The following OTUD7A variants were observed in gnomAD, a reference collection of about 807,000 sequenced individuals.
The protein encoded by OTUD7A is OTU deubiquitinase 7A.
OTUD7A carries 12 observed loss-of-function variants against 65.7 expected under a neutral mutation model. That is an observed-to-expected ratio of 0.18 (90% CI 0.12 to 0.30). The LOEUF (loss-of-function observed/expected upper bound fraction) is 0.30, where lower values mean the gene tolerates loss of function less well. OTUD7A is among the 10% of genes least tolerant of loss of function. OTUD7A has a pLI of 1.00. For synonymous variants in OTUD7A, 641 were observed against 586.3 expected, an observed-to-expected ratio of 1.09 and a Z score of -1.35; for missense variants, 1,148 against 1,304.8, an observed-to-expected ratio of 0.88 and a Z score of 1.85.
At chr15:31,571,751 G>A (rs560415607) in intron 3 of OTUD7A, among the ~76,000 whole-genome samples, 1 of 152,316 alleles carries the variant, frequency 6.6e-6, no homozygotes, top group East Asian at 1.9e-4. Context: ...AAGCCAGCTA[G>A]TAAGCAACGG....
At chr15:31,638,840 A>G (rs1270243899) in intron 3 of OTUD7A, among the ~76,000 whole-genome samples, 1 of 152,144 alleles carries the variant, frequency 6.6e-6, no homozygotes, top group Non-Finnish European at 1.5e-5. Context: ...TACCACTCTC[A>G]AAAGATTCCT....
chr15:31,617,900 G>A (rs998589701), intron 3 of OTUD7A, among the ~76,000 whole-genome samples: 3 of 151,852 alleles, frequency 2.0e-5, no homozygotes, highest in African/African-American at 7.3e-5. Context: ...TTCACATTAC[G>A]CATATCTCCT....
At chr15:31,559,790 TACATACATGC>T (rs1888630616) in intron 4 of OTUD7A, among the ~76,000 whole-genome samples, 3 of 152,092 alleles carry the variant, frequency 2.0e-5, no homozygotes, top group Admixed American at 2.0e-4. Context: ...CACATACATG[TACATACATGC>T]ACAGACTATA....
intron 4 of OTUD7A, among the ~76,000 whole-genome samples, chr15:31,563,248 G>C (rs1888752543): frequency 6.6e-6 from 1 of 152,150 alleles, no homozygotes; most frequent in Non-Finnish European, 1.5e-5. Context: ...ACTGCCATGT[G>C]GCCATCTGTC....
chr15:31,739,004 T>A (rs1356135980), intron 1 of OTUD7A, among the ~76,000 whole-genome samples: 2 of 151,612 alleles, frequency 1.3e-5, no homozygotes, highest in African/African-American at 4.8e-5. Flanking sequence ...GAAGGGGCTG[T>A]CCACTCGCTG....
chr15:31,668,254 GA>G (rs1285303137), intron 1 of OTUD7A, among the ~76,000 whole-genome samples: 1 of 152,146 alleles, frequency 6.6e-6, no homozygotes, highest in East Asian at 1.9e-4. Context: ...CAAGCTTTTA[GA>G]AATCTCTTAT....
chr15:31,807,610 AT>A (rs557724989), intron 1 of OTUD7A, among the ~76,000 whole-genome samples: 1 of 152,062 alleles, frequency 6.6e-6, no homozygotes, highest in Non-Finnish European at 1.5e-5. Context: ...CCTGTCGTGG[AT>A]TTGGTGGGTT....
chr15:31,726,054 GTT>G (rs55709390), intron 1 of OTUD7A, among the ~76,000 whole-genome samples: 102,301 of 146,930 alleles, frequency 0.7, 35,364 homozygotes, highest in South Asian at 0.79. Flanking sequence ...GCCAGACAGA[GTT>G]TTTTTTTTTT....
rs1432750853 is a variant in OTUD7A at position 31,619,255 on chromosome 15, C to T, written c.151+35841G>A. ...TTGGCTTAGGATTGACTTGGCAATG[C>T]GGGCTCTTTTTTGGTTCCATATCAA... On this transcript the variant is annotated intron_variant, in intron 3 of 12. Transcript: ENST00000307050. 7.9e-5 allele frequency among the ~76,000 whole-genome samples: 12 copies of T among 152,202 alleles called. No individual in the cohort carries two copies. The East Asian group carries it at 1.7e-3, about 22-fold the overall frequency.
intron 1 of OTUD7A, among the ~76,000 whole-genome samples, chr15:31,856,855 A>G (rs971032146): frequency 6.6e-6 from 1 of 152,210 alleles, no homozygotes; most frequent in African/African-American, 2.4e-5. Flanking sequence ...GCTCTTTCGC[A>G]GCCGGGAGCA....
chr15:31,658,325 A>G lies in OTUD7A; in HGVS notation c.-99-1248T>C, dbSNP rs188604181. ...CCTTCCCAGGTCTCCACTGAGCAAG[A>G]AAACTGCTTCCACCAGCTTGCTGAA... On this transcript the variant is annotated intron_variant, in intron 1 of 12. Coordinates refer to ENST00000307050, the MANE Select transcript of OTUD7A (RefSeq NM_001382637.1). Among the ~76,000 whole-genome samples, 444 of 152,282 alleles carry G rather than the reference A, an allele frequency of 2.9e-3. 5 individuals are homozygous for G. Among genetic ancestry groups the G allele is most frequent in the African/African-American group, 0.01 (430 of 41,546 alleles).
At chr15:31,820,440 A>C (rs1896649907) in intron 1 of OTUD7A, among the ~76,000 whole-genome samples, 1 of 152,218 alleles carries the variant, frequency 6.6e-6, no homozygotes, top group Non-Finnish European at 1.5e-5. Context: ...GAGATATCGC[A>C]CGATTCTTCC....
chr15:31,568,893 C>G (rs1566924511), intron 4 of OTUD7A, among the ~76,000 whole-genome samples: 1 of 152,208 alleles, frequency 6.6e-6, no homozygotes, highest in Non-Finnish European at 1.5e-5. Context: ...TGATTGTAAG[C>G]TTCCTGAGGC....
At chr15:31,496,906 CT>C (rs563644044) in intron 10 of OTUD7A, among the ~76,000 whole-genome samples, 80 of 149,068 alleles carry the variant, frequency 5.4e-4, no homozygotes, top group African/African-American at 1.8e-3. Flanking sequence ...TTTGCAAAAA[CT>C]TTTTTTTTTT....
At chr15:31,533,945 T>C (rs976079333) in intron 5 of OTUD7A, among the ~76,000 whole-genome samples, 1 of 152,194 alleles carries the variant, frequency 6.6e-6, no homozygotes, top group African/African-American at 2.4e-5. Flanking sequence ...GCTTCACCAA[T>C]AGTAGTAAAA....
intron 2 of OTUD7A, among the ~76,000 whole-genome samples, chr15:31,656,155 G>A (rs1208868004): frequency 2.0e-5 from 3 of 151,298 alleles, no homozygotes; most frequent in African/African-American, 7.3e-5. Flanking sequence ...CAGAGAAATA[G>A]AATGGATGTA....
At chr15:31,634,193 C>A (rs369321115) in intron 3 of OTUD7A, among the ~76,000 whole-genome samples, 2 of 152,158 alleles carry the variant, frequency 1.3e-5, no homozygotes, top group Admixed American at 6.5e-5. Context: ...TAAACATGCA[C>A]AACCACCTCC....
chr15:31,779,406 G>A (rs1895476778), intron 1 of OTUD7A, among the ~76,000 whole-genome samples: 1 of 152,192 alleles, frequency 6.6e-6, no homozygotes. Context: ...GAGGCTACAG[G>A]AGACACCTCT....
chr15:31,755,177 T>C (rs1279681770), intron 1 of OTUD7A, among the ~76,000 whole-genome samples: 2 of 149,526 alleles, frequency 1.3e-5, no homozygotes, highest in African/African-American at 2.5e-5. Flanking sequence ...TAAGGGAAGA[T>C]AGGAGAGAGG....
Sources: allele counts gnomAD v4.1 joint callset (sites outside exome capture counted in the v4.1 genomes callset), GRCh38; gene constraint gnomAD v4.1.1; transcripts MANE v1.5; gene names NCBI Gene and HGNC (gene_info 2026-07-23, HGNC 2026-07-21).